EVL: variants seen among roughly 807,000 people sequenced by gnomAD.
The protein encoded by EVL is Enah/Vasp-like.
Under a neutral mutation model 59.6 loss-of-function variants are expected in EVL, and 21 were observed. The observed-to-expected ratio is 0.35, with a 90% confidence interval of 0.25 to 0.51. The LOEUF (loss-of-function observed/expected upper bound fraction) is 0.51, where lower values mean the gene tolerates loss of function less well. EVL is among the 20% of genes least tolerant of loss of function. EVL has a pLI of 0.97. For missense variants in EVL, 462 were observed against 546.6 expected, an observed-to-expected ratio of 0.85 and a Z score of 1.54; for synonymous variants, 198 against 203.5, an observed-to-expected ratio of 0.97 and a Z score of 0.23.
At chr14:100,126,093 C>T (rs1487434895) in intron 4 of EVL, among the ~76,000 whole-genome samples, 11 of 152,206 alleles carry the variant, frequency 7.2e-5, no homozygotes, top group Non-Finnish European at 1.0e-4. Context: ...TGTATCTGGG[C>T]CTCAGTGTCC....
At chr14:100,014,356 C>T (rs576571986) in intron 1 of EVL, among the ~76,000 whole-genome samples, 8 of 152,296 alleles carry the variant, frequency 5.3e-5, no homozygotes, top group Non-Finnish European at 7.4e-5. Flanking sequence ...TAATTTTTAG[C>T]TCCCAGAAAT....
chr14:100,026,565 T>C (rs888032442), intron 1 of EVL, among the ~76,000 whole-genome samples: 3 of 152,146 alleles, frequency 2.0e-5, no homozygotes, highest in Non-Finnish European at 4.4e-5. Flanking sequence ...AGGGAACTTC[T>C]AGAAAAGGAG....
rs530714816 is a variant in EVL, at chr14:100,051,958, G to A, written c.6-32729G>A. The stretch of plus-strand genomic sequence containing the variant: ...TTACGATCTTCCTTACCTTACCTCA[G>A]GACATAATACCTCGGTGGACCAAAC... On this transcript the variant is annotated intron_variant, in intron 1 of 13. Transcript: ENST00000402714. Among the ~76,000 whole-genome samples, 19 of 152,272 alleles carry A rather than the reference G, an allele frequency of 1.2e-4. No homozygotes were observed. In the East Asian group the frequency reaches 2.5e-3, roughly 20 times the overall value.
chr14:100,005,406 C>A (rs1427329527), intron 1 of EVL, among the ~76,000 whole-genome samples: 1 of 152,044 alleles, frequency 6.6e-6, no homozygotes, highest in Non-Finnish European at 1.5e-5. Flanking sequence ...CTGTTTTAAG[C>A]TGGGTTTATA....
chr14:100,133,096 C>T (rs1219479861), intron 8 of EVL, among the ~76,000 whole-genome samples: 1 of 152,248 alleles, frequency 6.6e-6, no homozygotes, highest in Non-Finnish European at 1.5e-5. Context: ...CAGCCAGGGT[C>T]TCGGCGGGAC....
At position 100,028,108 on chromosome 14, in the gene EVL, A is replaced by C. The variant is rs375429092; in HGVS notation, c.5+56051A>C. ...GATTTCTGGATCATATGGTAGTTCT[A>C]CTTTTAGTTGTTTTTTTGTTTGTTT... On this transcript the variant is annotated intron_variant, in intron 1 of 13. Coordinates refer to the EVL transcript ENST00000402714. Among the ~76,000 whole-genome samples, 174 of 141,326 alleles carry C rather than the reference A, an allele frequency of 1.2e-3. 3 individuals are homozygous for C. The highest frequency in any genetic ancestry group is 4.4e-3 in the African/African-American group (163 of 36,884). The allele number at this position is 141,326 out of a possible 152,430, so 92.7% of individuals were successfully genotyped here.
intron 1 of EVL, among the ~76,000 whole-genome samples, chr14:100,057,726 T>C (rs1566989158): frequency 6.6e-6 from 1 of 152,228 alleles, no homozygotes; most frequent in Non-Finnish European, 1.5e-5. Flanking sequence ...TGGTTGAGAA[T>C]ACCAGAATCT....
chr14:100,094,935 G>A (rs563393459), intron 2 of EVL, among the ~76,000 whole-genome samples: 1 of 151,770 alleles, frequency 6.6e-6, no homozygotes. Flanking sequence ...CAGCTACTCT[G>A]GAGGCTGAGG....
chr14:99,992,835 A>C (rs1319929483), intron 1 of EVL, among the ~76,000 whole-genome samples: 1 of 151,986 alleles, frequency 6.6e-6, no homozygotes, highest in Non-Finnish European at 1.5e-5. Context: ...AGCTTTTCCT[A>C]TCTGGCTTTT....
At chr14:100,111,461 T>C (rs905443695) in intron 3 of EVL, among the ~76,000 whole-genome samples, 2 of 152,090 alleles carry the variant, frequency 1.3e-5, no homozygotes, top group Non-Finnish European at 2.9e-5. Context: ...CCGGCCAGTT[T>C]CCTTGTCTTT....
chr14:100,053,270 A>G (rs1214470322), intron 1 of EVL, among the ~76,000 whole-genome samples: 2 of 152,094 alleles, frequency 1.3e-5, no homozygotes, highest in Non-Finnish European at 2.9e-5. Flanking sequence ...TCTATTTTTT[A>G]TGCTTTTTCT....
chr14:100,110,056 T>A (rs1025399154), intron 3 of EVL, among the ~76,000 whole-genome samples: 1 of 152,224 alleles, frequency 6.6e-6, no homozygotes, highest in African/African-American at 2.4e-5. Flanking sequence ...TTGAAGTTAC[T>A]CTTTTTAAAA....
At chr14:100,076,508 T>C (rs1263578094) in intron 1 of EVL, among the ~76,000 whole-genome samples, 1 of 152,230 alleles carries the variant, frequency 6.6e-6, no homozygotes, top group East Asian at 1.9e-4. Context: ...CAGTAAGTGC[T>C]GTGATGGTAG....
intron 1 of EVL, among the ~76,000 whole-genome samples, chr14:100,019,158 G>GT (rs1436585308): frequency 2.0e-5 from 3 of 152,142 alleles, no homozygotes; most frequent in Non-Finnish European, 4.4e-5. Context: ...CAGTACTTAC[G>GT]TTCACATATA....
chr14:100,092,860 GA>G (rs1488799103), intron 2 of EVL, among the ~76,000 whole-genome samples: 3 of 152,208 alleles, frequency 2.0e-5, no homozygotes, highest in Non-Finnish European at 2.9e-5. Context: ...TATACCACAG[GA>G]GTCCATTTCT....
At chr14:100,082,816 CT>C (rs2062340845) in intron 1 of EVL, among the ~76,000 whole-genome samples, 1 of 152,356 alleles carries the variant, frequency 6.6e-6, no homozygotes, top group African/African-American at 2.4e-5. Flanking sequence ...TTGGGCCAGG[CT>C]GATAGGGTGT....
intron 1 of EVL, among the ~76,000 whole-genome samples, chr14:100,047,837 G>T (rs2061579023): frequency 6.6e-6 from 1 of 152,164 alleles, no homozygotes; most frequent in African/African-American, 2.4e-5. Flanking sequence ...GCCAAGTGAT[G>T]TTTGACAAAG....
intron 1 of EVL, among the ~76,000 whole-genome samples, chr14:100,031,172 C>T (rs78003547): frequency 6.6e-6 from 1 of 152,170 alleles, no homozygotes; most frequent in South Asian, 2.1e-4. Context: ...CTGGGAAGGC[C>T]CATTGCAATC....
chr14:100,128,854 T>A, intron 6 of EVL, 106 bp downstream of exon 6: 1 of 981,788 alleles, frequency 1.0e-6, no homozygotes, highest in Non-Finnish European at 1.5e-6. Context: ...GCAAACTGCT[T>A]CCCTGCCCAA....
Sources: allele counts gnomAD v4.1 joint callset (sites outside exome capture counted in the v4.1 genomes callset), GRCh38; gene constraint gnomAD v4.1.1; transcripts MANE v1.5; gene names NCBI Gene and HGNC (gene_info 2026-07-23, HGNC 2026-07-21).